Variants in ARHGAP15 observed in about 807,000 individuals in gnomAD.
The protein encoded by ARHGAP15 is Rho GTPase activating protein 15.
Under a neutral mutation model 63.7 loss-of-function variants are expected in ARHGAP15, and 51 were observed. That is an observed-to-expected ratio of 0.80 (90% CI 0.64 to 1.01). The LOEUF (loss-of-function observed/expected upper bound fraction) is 1.01, where lower values mean the gene tolerates loss of function less well. Ranked by LOEUF, ARHGAP15 falls within the 50% of genes least tolerant of loss-of-function variation. The pLI is 0.00. For missense variants in ARHGAP15, 560 were observed against 564.6 expected, an observed-to-expected ratio of 0.99 and a Z score of 0.08; for synonymous variants, 191 against 193.8, an observed-to-expected ratio of 0.99 and a Z score of 0.12.
chr2:143,348,426 C>T (rs1466194209), intron 6 of ARHGAP15, among the ~76,000 whole-genome samples: 1 of 151,946 alleles, frequency 6.6e-6, no homozygotes, highest in East Asian at 1.9e-4. Flanking sequence ...TCTTAAATTT[C>T]CAGTACTGAA....
chr2:143,652,881 T>G (rs2105303141), intron 12 of ARHGAP15, among the ~76,000 whole-genome samples: 1 of 152,236 alleles, frequency 6.6e-6, no homozygotes, highest in African/African-American at 2.4e-5. Context: ...TTTTTTGGCT[T>G]TCTAGCTGGA....
intron 8 of ARHGAP15, among the ~76,000 whole-genome samples, chr2:143,449,748 G>A (rs182305116): frequency 1.3e-5 from 2 of 152,180 alleles, no homozygotes; most frequent in African/African-American, 4.8e-5. Flanking sequence ...TTAGTAGGGT[G>A]AGATTTCACT....
chr2:143,487,287 A>T, intron 8 of ARHGAP15, 86 bp from the exon 9 acceptor site: 1 of 1,456,282 alleles, frequency 6.9e-7, no homozygotes, highest in Non-Finnish European at 9.3e-7. Context: ...TTGTTTCATA[A>T]CTACTGTTTT....
chr2:143,583,530 G>A (rs200637181), intron 11 of ARHGAP15, among the ~76,000 whole-genome samples: 1 of 76,744 alleles, frequency 1.3e-5, no homozygotes, highest in East Asian at 4.8e-4. Context: ...AGACAAAAAT[G>A]GGGGGGGTGG....
chr2:143,421,904 G>GA (rs1558960546), intron 6 of ARHGAP15, among the ~76,000 whole-genome samples: 1 of 151,324 alleles, frequency 6.6e-6, no homozygotes, highest in Non-Finnish European at 1.5e-5. Context: ...AGAAAGGGGG[G>GA]GAGAGAGAGC....
chr2:143,232,792 G>T, intron 5 of ARHGAP15, among the ~76,000 whole-genome samples: 1 of 152,118 alleles, frequency 6.6e-6, no homozygotes, highest in East Asian at 1.9e-4. Flanking sequence ...TATAATTTAG[G>T]TGTTTTTTAA....
chr2:143,237,044 G>T (rs1558832982), intron 5 of ARHGAP15: 1 of 152,116 alleles, frequency 6.6e-6, no homozygotes, highest in Non-Finnish European at 1.5e-5. Flanking sequence ...CTTTGAACAG[G>T]ATTGGGAGAA....
chr2:143,351,684 G>T (rs1051861927), intron 6 of ARHGAP15, among the ~76,000 whole-genome samples: 9 of 152,122 alleles, frequency 5.9e-5, no homozygotes, highest in African/African-American at 1.9e-4. Context: ...AAGCTGACTT[G>T]TGGTGGGAGG....
intron 11 of ARHGAP15, among the ~76,000 whole-genome samples, chr2:143,577,827 C>T (rs564968103): frequency 1.3e-5 from 2 of 152,252 alleles, no homozygotes; most frequent in East Asian, 3.9e-4. Context: ...TCAGGAACTG[C>T]AGTATAAGGA....
chr2:143,598,926 TG>T (rs1559072463), intron 11 of ARHGAP15, among the ~76,000 whole-genome samples: 1 of 150,156 alleles, frequency 6.7e-6, no homozygotes, highest in Non-Finnish European at 1.5e-5. Context: ...AAAAATAAGT[TG>T]GTTTTTTTTT....
intron 6 of ARHGAP15, among the ~76,000 whole-genome samples, chr2:143,337,076 A>AGG (rs1006520365): frequency 2.0e-5 from 3 of 151,990 alleles, no homozygotes; most frequent in African/African-American, 4.8e-5. Context: ...AGGAGGACAG[A>AGG]GGGAGGGAGT....
intron 13 of ARHGAP15, among the ~76,000 whole-genome samples, chr2:143,747,333 C>A (rs559419333): frequency 1.3e-5 from 2 of 152,190 alleles, no homozygotes; most frequent in East Asian, 3.9e-4. Flanking sequence ...TCATTAAAAT[C>A]TTGTGTTGGT....
At chr2:143,535,456 G>A (rs1694712114) in intron 10 of ARHGAP15, among the ~76,000 whole-genome samples, 1 of 152,074 alleles carries the variant, frequency 6.6e-6, no homozygotes, top group Admixed American at 6.5e-5. Flanking sequence ...AGGATTTCAA[G>A]AAAAAAGGAC....
intron 12 of ARHGAP15, among the ~76,000 whole-genome samples, chr2:143,700,314 C>G (rs757155156): frequency 1.3e-5 from 2 of 152,152 alleles, no homozygotes; most frequent in African/African-American, 2.4e-5. Context: ...AATTAAGCAA[C>G]GGCCAATCTT....
In ARHGAP15 at chr2:143,405,461, C is replaced by A. The variant is rs528591789; in HGVS notation, c.475-30140C>A. Among the ~76,000 whole-genome samples the A allele has an allele frequency of 8.6e-5, 13 of 151,896 alleles. No individual in the cohort carries two copies. In the East Asian group the frequency reaches 2.3e-3, roughly 27 times the overall value. Reference sequence around the variant, plus strand: ...AGTAAAATTTACTCCCTTTATAAAACATAAAAAATTTGTGCTCCCCTTTTC... The same window carrying A: ...AGTAAAATTTACTCCCTTTATAAAAAATAAAAAATTTGTGCTCCCCTTTTC... On this transcript the variant is annotated intron_variant, in intron 6 of 13. Transcript: ENST00000295095.
intron 12 of ARHGAP15, among the ~76,000 whole-genome samples, chr2:143,692,333 G>A (rs1314703965): frequency 1.3e-5 from 2 of 152,318 alleles, no homozygotes; most frequent in East Asian, 3.9e-4. Context: ...CTGCCGCACA[G>A]TGGGAAGCTT....
intron 6 of ARHGAP15, among the ~76,000 whole-genome samples, chr2:143,369,580 G>A (rs1292961987): frequency 2.0e-5 from 3 of 152,018 alleles, no homozygotes; most frequent in Non-Finnish European, 4.4e-5. Context: ...CTTCAATTTA[G>A]TCAAACTTTC....
chr2:143,690,253 T>G (rs1448119011), intron 12 of ARHGAP15, among the ~76,000 whole-genome samples: 2 of 152,258 alleles, frequency 1.3e-5, no homozygotes, highest in Admixed American at 1.3e-4. Flanking sequence ...AGTCCCTGTT[T>G]AAATTATTAT....
chr2:143,488,978 A>T (rs1343763746), intron 9 of ARHGAP15, among the ~76,000 whole-genome samples: 1 of 152,214 alleles, frequency 6.6e-6, no homozygotes, highest in Non-Finnish European at 1.5e-5. Context: ...ACTAAGTAGT[A>T]TTACTAGTAC....
Sources: allele counts gnomAD v4.1 joint callset (sites outside exome capture counted in the v4.1 genomes callset), GRCh38; gene constraint gnomAD v4.1.1; transcripts MANE v1.5; gene names NCBI Gene and HGNC (gene_info 2026-07-23, HGNC 2026-07-21).